Variants in HSCB observed in about 807,000 individuals in gnomAD.
HSCB encodes HscB mitochondrial iron-sulfur cluster cochaperone.
HSCB carries 23 observed loss-of-function variants against 31.3 expected under a neutral mutation model. The observed-to-expected ratio is 0.74, with a 90% confidence interval of 0.53 to 1.04. The LOEUF (loss-of-function observed/expected upper bound fraction) is 1.04. Ranked by LOEUF, HSCB falls within the 50% of genes least tolerant of loss-of-function variation. The pLI is 0.00. For synonymous variants in HSCB, 110 were observed against 104.5 expected (o/e 1.05, Z -0.32); for missense variants, 297 against 288.1 (o/e 1.03, Z -0.22).
chr22:28,742,329 C>G lies in HSCB; in HGVS notation c.234C>G (p.Asp78Glu). Residue 78 changes from aspartate (D) to glutamate (E), a missense_variant and splice_region_variant, in exon 1 of 6, where the codon GAC becomes GAG. Transcript: ENST00000216027. Reference sequence around the variant, plus strand: ...CTCGAGACTACTTCAGCCTTATGGACTGGTACGAGCGACGGTTTCGGGAAA... The same window carrying G: ...CTCGAGACTACTTCAGCCTTATGGAGTGGTACGAGCGACGGTTTCGGGAAA... ...DPTRDYFSLM[D>E]CNRSFRVDTA... The G allele has an allele frequency of 6.2e-7, 1 of 1,610,230 alleles. No homozygotes were observed. The highest frequency in any genetic ancestry group is 8.5e-7 in the Non-Finnish European group (1 of 1,176,894).
intron 4 of HSCB, among the ~76,000 whole-genome samples, chr22:28,747,136 C>T (rs979962117): frequency 1.3e-5 from 2 of 152,116 alleles, no homozygotes; most frequent in Non-Finnish European, 2.9e-5. Context: ...ATGTTACAGT[C>T]TTGATACAGA....
intron 5 of HSCB, among the ~76,000 whole-genome samples, chr22:28,753,072 C>T (rs963625864): frequency 2.6e-5 from 4 of 151,094 alleles, no homozygotes; most frequent in African/African-American, 9.7e-5. Context: ...GAATGAGATG[C>T]CATCTCAAAA....
intron 1 of HSCB, chr22:28,742,690 G>A (rs892166336): frequency 5.9e-6 from 2 of 341,424 alleles, no homozygotes; most frequent in African/African-American, 4.2e-5. Flanking sequence ...GGTACTTGAG[G>A]GGCAGGGCCT....
intron 4 of HSCB, among the ~76,000 whole-genome samples, chr22:28,747,707 A>G (rs1460827004): frequency 2.0e-5 from 3 of 152,194 alleles, no homozygotes; most frequent in Non-Finnish European, 4.4e-5. Flanking sequence ...CCGTTAGACT[A>G]TATTCAGTTA....
intron 5 of HSCB, among the ~76,000 whole-genome samples, chr22:28,752,545 T>A (rs2146221569): frequency 6.7e-6 from 1 of 149,454 alleles, no homozygotes; most frequent in Non-Finnish European, 1.5e-5. Flanking sequence ...ATATCCTGGC[T>A]AACACAGTGA....
intron 4 of HSCB, 23 bp from the exon 5 acceptor site, chr22:28,751,217 TA>T: frequency 1.3e-6 from 2 of 1,516,786 alleles, no homozygotes; most frequent in Non-Finnish European, 1.8e-6. Flanking sequence ...ATGGAAAAAT[TA>T]ACAGAATGGT....
chr22:28,744,746 G>T (rs2054656246), intron 3 of HSCB, 42 bp downstream of exon 3: 2 of 1,442,678 alleles, frequency 1.4e-6, no homozygotes, highest in East Asian at 2.3e-5. Flanking sequence ...ACGTCCTGAT[G>T]CCCATTATGG....
At chr22:28,755,165 C>T (rs1407392960) in intron 5 of HSCB, among the ~76,000 whole-genome samples, 3 of 149,908 alleles carry the variant, frequency 2.0e-5, no homozygotes, top group South Asian at 4.3e-4. Context: ...AATCCCAGCA[C>T]TTTGGGAGGC....
At chr22:28,744,084 T>A in intron 2 of HSCB, 106 bp downstream of exon 2, 1 of 905,806 alleles carries the variant, frequency 1.1e-6, no homozygotes, top group Non-Finnish European at 1.8e-6. Context: ...AAATCAGCTG[T>A]GTCTGCCCCA....
At chr22:28,744,414 C>T (rs2054648168) in intron 2 of HSCB, among the ~76,000 whole-genome samples, 1 of 152,132 alleles carries the variant, frequency 6.6e-6, no homozygotes, top group African/African-American at 2.4e-5. Flanking sequence ...TAGCCCAGTG[C>T]AGTGACACAT....
At chr22:28,749,668 T>C (rs1003327866) in intron 4 of HSCB, among the ~76,000 whole-genome samples, 1 of 152,124 alleles carries the variant, frequency 6.6e-6, no homozygotes, top group African/African-American at 2.4e-5. Flanking sequence ...AGCAGTAATA[T>C]AGAATTTGTG....
intron 5 of HSCB, among the ~76,000 whole-genome samples, chr22:28,752,541 T>C (rs753501831): frequency 6.6e-6 from 1 of 151,344 alleles, no homozygotes; most frequent in Non-Finnish European, 1.5e-5. Context: ...GAGAATATCC[T>C]GGCTAACACA....
chr22:28,742,224 C>A lies in HSCB; in HGVS notation c.129C>A (p.Asn43Lys). 6.2e-7 allele frequency: 1 copy of A among 1,613,966 alleles called. No individual in the cohort carries two copies. Among genetic ancestry groups the A allele is most frequent in the East Asian group, 2.2e-5 (1 of 44,868 alleles). Residue 43 changes from asparagine to lysine, a missense_variant, in exon 1 of 6, where the codon AAC (asparagine) becomes AAA (lysine). By Grantham distance (94) the Asn-to-Lys change is moderately conservative (BLOSUM62 0). Transcript: ENST00000216027. ...GAAGCAATTATCCCCGCTGTTGGAA[C>A]TGCGGCGGCCCATGGGGCCCCGGGC... ...QAGSNYPRCW[N>K]CGGPWGPGRE...
chr22:28,751,530 G>A (rs1298993338), intron 5 of HSCB, among the ~76,000 whole-genome samples: 3 of 152,238 alleles, frequency 2.0e-5, no homozygotes, highest in South Asian at 2.1e-4. Context: ...GGCGGATCAC[G>A]AAGTCAGGAG....
At chr22:28,756,656 T>C (rs539104243) in intron 5 of HSCB, among the ~76,000 whole-genome samples, 1 of 151,810 alleles carries the variant, frequency 6.6e-6, no homozygotes, top group Admixed American at 6.6e-5. Context: ...TATTTTTTAT[T>C]TTTTATTTTT....
rs762495357 is a variant in HSCB at position 28,742,215 on chromosome 22, C to G, written c.120C>G (p.Arg40=). Residue 40 remains arginine (R), a synonymous_variant, in exon 1 of 6, where the codon CGC becomes CGG. Transcript: ENST00000216027. ...CGCAGGCGGGAAGCAATTATCCCCG[C>G]TGTTGGAACTGCGGCGGCCCATGGG... ...AASQAGSNYP[R]CWNCGGPWGP... 2 of 1,613,982 alleles carry G rather than the reference C, an allele frequency of 1.2e-6. No homozygotes were observed. Among genetic ancestry groups the G allele is most frequent in the South Asian group, 2.2e-5 (2 of 91,056 alleles).
chr22:28,745,855 C>A lies in HSCB; in HGVS notation c.424-9C>A. 1 of 1,596,362 alleles carries A rather than the reference C, an allele frequency of 6.3e-7. No homozygotes were observed. Among genetic ancestry groups the A allele is most frequent in the Non-Finnish European group, 8.5e-7 (1 of 1,174,200 alleles). On this transcript the variant is annotated splice_polypyrimidine_tract_variant and intron_variant, in intron 3 of 5. Coordinates refer to ENST00000216027, the MANE Select transcript of HSCB (RefSeq NM_172002.5). ...TTCAACTTATTTTTCTTGCTTTCTA[C>A]CCCAATAGCTAAAGCTCCATGGAAT...
chr22:28,742,117 G>A lies in HSCB; in HGVS notation c.22G>A (p.Ala8Thr), dbSNP rs1226240025. Residue 8 changes from alanine to threonine, a missense_variant, in exon 1 of 6, where the codon GCT (alanine) becomes ACT (threonine). Physicochemically the swap from Ala to Thr is moderately conservative, Grantham distance 58 (BLOSUM62 0). Coordinates refer to ENST00000216027, the MANE Select transcript of HSCB (RefSeq NM_172002.5). The part of the protein sequence containing the change: MWRGRAG[A>T]LLRVWGFWPT... The stretch of plus-strand genomic sequence containing the variant: ...CCAGATGTGGCGGGGGAGAGCCGGG[G>A]CTTTGCTCCGGGTGTGGGGGTTTTG... 2.5e-6 allele frequency: 4 copies of A among 1,603,714 alleles called. No homozygotes were observed. The highest frequency in any genetic ancestry group is 2.7e-5 in the African/African-American group (2 of 74,780).
Position 28,753,893 on chromosome 22 carries a change from C to T in HSCB, c.616+2605C>T, listed in dbSNP as rs549563916. On this transcript the variant is annotated intron_variant, in intron 5 of 5. Coordinates refer to ENST00000216027, the MANE Select transcript of HSCB (RefSeq NM_172002.5). ...GGCGCGGTGGCTCACGCCTGTAATC[C>T]TAGCAGTTTGGGAGGCCAAGGTCGG... 7.6e-3 allele frequency among the ~76,000 whole-genome samples: 1,161 copies of T among 152,046 alleles called. 16 individuals are homozygous for T. The highest frequency in any genetic ancestry group is 0.027 in the African/African-American group (1,121 of 41,486).
Sources: allele counts gnomAD v4.1 joint callset (sites outside exome capture counted in the v4.1 genomes callset), GRCh38; gene constraint gnomAD v4.1.1; transcripts MANE v1.5; gene names NCBI Gene and HGNC (gene_info 2026-07-23, HGNC 2026-07-21).